The following NALF1 variants were observed in gnomAD, a reference collection of about 807,000 sequenced individuals.
The protein encoded by NALF1 is family with sequence similarity 155 member A.
A neutral mutation model predicts 48.4 loss-of-function variants in NALF1; 3 were observed. The ratio of observed to expected loss-of-function variants is 0.06; its 90% CI spans 0.03 to 0.16. The LOEUF is 0.16. Among genes scored for constraint, NALF1 ranks in the 10% least tolerant of loss-of-function variants. The pLI, the probability that NALF1 is intolerant of heterozygous loss-of-function variation, is 1.00. For missense variants in NALF1, 526 were observed against 571.5 expected (o/e 0.92, Z 0.81); for synonymous variants, 262 against 245.7 (o/e 1.07, Z -0.62).
intron 1 of NALF1, among the ~76,000 whole-genome samples, chr13:107,338,236 T>C (rs1266532117): frequency 6.6e-6 from 1 of 152,230 alleles, no homozygotes; most frequent in Non-Finnish European, 1.5e-5. Flanking sequence ...TTGTCTGACC[T>C]AATTCTTACA....
intron 1 of NALF1, among the ~76,000 whole-genome samples, chr13:107,584,933 G>A (rs569511195): frequency 6.6e-6 from 1 of 151,814 alleles, no homozygotes; most frequent in African/African-American, 2.4e-5. Context: ...CTTCCTATTA[G>A]GCTACTACTT....
At chr13:107,544,378 A>G (rs1877078188) in intron 1 of NALF1, among the ~76,000 whole-genome samples, 1 of 152,186 alleles carries the variant, frequency 6.6e-6, no homozygotes, top group Non-Finnish European at 1.5e-5. Flanking sequence ...TTTATTTCAA[A>G]TGACTCAAGC....
At chr13:107,469,226 C>T (rs1410430436) in intron 1 of NALF1, among the ~76,000 whole-genome samples, 1 of 152,128 alleles carries the variant, frequency 6.6e-6, no homozygotes, top group Non-Finnish European at 1.5e-5. Context: ...TATTTTTCAA[C>T]CTAAGCTGCA....
chr13:107,684,389 GA>G (rs1378697806), intron 1 of NALF1, among the ~76,000 whole-genome samples: 4 of 152,178 alleles, frequency 2.6e-5, no homozygotes, highest in Non-Finnish European at 5.9e-5. Flanking sequence ...ATAGGAAGCT[GA>G]GAGGATCTCA....
At chr13:107,792,863 G>A (rs1878292536) in intron 1 of NALF1, among the ~76,000 whole-genome samples, 1 of 152,084 alleles carries the variant, frequency 6.6e-6, no homozygotes, top group African/African-American at 2.4e-5. Context: ...AGGCAGGAGT[G>A]CAGTGACAAA....
chr13:107,258,411 A>G (rs891011771), intron 1 of NALF1, among the ~76,000 whole-genome samples: 1 of 152,208 alleles, frequency 6.6e-6, no homozygotes, highest in East Asian at 1.9e-4. Context: ...CAACGTTTAC[A>G]TTGCCATATC....
intron 2 of NALF1, among the ~76,000 whole-genome samples, chr13:107,186,596 G>A (rs111305756): frequency 0.18 from 27,026 of 152,078 alleles, 2,951 homozygotes; most frequent in African/African-American, 0.31. Context: ...TCGATCTCCT[G>A]ACCTTGTGAT....
intron 2 of NALF1, among the ~76,000 whole-genome samples, chr13:107,184,066 C>G (rs1879123354): frequency 6.6e-6 from 1 of 151,442 alleles, no homozygotes; most frequent in Non-Finnish European, 1.5e-5. Context: ...CAACCTCTGC[C>G]TCTCAGGTTC....
intron 1 of NALF1, among the ~76,000 whole-genome samples, chr13:107,371,521 A>T (rs1883248703): frequency 6.6e-6 from 1 of 152,232 alleles, no homozygotes; most frequent in Non-Finnish European, 1.5e-5. Flanking sequence ...AATATAAAAC[A>T]GCAAAGGTGG....
intron 1 of NALF1, among the ~76,000 whole-genome samples, chr13:107,624,397 T>C (rs149507026): frequency 1.3e-3 from 199 of 152,276 alleles, no homozygotes; most frequent in African/African-American, 4.4e-3. Context: ...CCATGGTATA[T>C]TAAAGTTCTC....
intron 1 of NALF1, among the ~76,000 whole-genome samples, chr13:107,442,663 A>T (rs1884580203): frequency 6.6e-6 from 1 of 152,198 alleles, no homozygotes; most frequent in African/African-American, 2.4e-5. Context: ...TGAATTATCA[A>T]TTTTTTAAAA....
chr13:107,703,985 T>C (rs1881888062), intron 1 of NALF1, among the ~76,000 whole-genome samples: 1 of 152,144 alleles, frequency 6.6e-6, no homozygotes, highest in Non-Finnish European at 1.5e-5. Context: ...TATTAATAGT[T>C]TGGCTGTCTA....
chr13:107,757,369 A>G (rs1179794804), intron 1 of NALF1, among the ~76,000 whole-genome samples: 3 of 150,586 alleles, frequency 2.0e-5, no homozygotes, highest in Non-Finnish European at 3.0e-5. Flanking sequence ...GAAGAGTAAC[A>G]TTATGGAGAG....
intron 1 of NALF1, among the ~76,000 whole-genome samples, chr13:107,519,952 T>C (rs1387355311): frequency 3.3e-5 from 5 of 152,188 alleles, no homozygotes; most frequent in Non-Finnish European, 7.3e-5. Flanking sequence ...GCCAATAATA[T>C]CTTGCATTAA....
At chr13:107,286,804 T>C (rs1413297028) in intron 1 of NALF1, among the ~76,000 whole-genome samples, 1 of 152,082 alleles carries the variant, frequency 6.6e-6, no homozygotes, top group Non-Finnish European at 1.5e-5. Context: ...GATACAAATA[T>C]CCCATGTTAA....
chr13:107,612,960 G>A (rs1240958354), intron 1 of NALF1, among the ~76,000 whole-genome samples: 2 of 151,592 alleles, frequency 1.3e-5, no homozygotes, highest in African/African-American at 4.8e-5. Flanking sequence ...AGAACAGAGA[G>A]GGCAAATTTA....
At chr13:107,837,306 A>G (rs1879922427) in intron 1 of NALF1, among the ~76,000 whole-genome samples, 1 of 152,224 alleles carries the variant, frequency 6.6e-6, no homozygotes, top group Non-Finnish European at 1.5e-5. Flanking sequence ...ATTGTTAAGG[A>G]AAAGGAATGC....
At chr13:107,693,337 C>CGGGGG (rs140909907) in intron 1 of NALF1, among the ~76,000 whole-genome samples, 1 of 128,648 alleles carries the variant, frequency 7.8e-6, no homozygotes, top group Admixed American at 8.3e-5. Context: ...GTAGGGGGGG[C>CGGGGG]GGGAGGGATA....
intron 1 of NALF1, among the ~76,000 whole-genome samples, chr13:107,844,444 G>A (rs2061316049): frequency 6.6e-6 from 1 of 151,994 alleles, no homozygotes; most frequent in Non-Finnish European, 1.5e-5. Context: ...AAGTTTTAAG[G>A]AACAAAATGC....
Sources: gnomAD v4.1 joint callset for allele counts (sites outside exome capture counted in the v4.1 genomes callset) on GRCh38, gnomAD v4.1.1 for gene constraint, MANE v1.5 for transcripts, NCBI Gene and HGNC (gene_info 2026-07-23, HGNC 2026-07-21) for gene names.